ASCC3: variants seen among roughly 807,000 people sequenced by gnomAD.
ASCC3 encodes the protein ASC-1 complex subunit P200.
ASCC3 carries 158 observed loss-of-function variants against 256.3 expected under a neutral mutation model. That is an observed-to-expected ratio of 0.62 (90% confidence interval 0.54 to 0.70). The LOEUF (loss-of-function observed/expected upper bound fraction) is 0.70. Among genes scored for constraint, ASCC3 ranks in the 30% least tolerant of loss-of-function variants. The pLI, the probability that ASCC3 is intolerant of heterozygous loss-of-function variation, is 0.00. For synonymous variants in ASCC3, 948 were observed against 883.4 expected (o/e 1.07, Z -1.30); for missense variants, 2,259 against 2,626.0 (o/e 0.86, Z 3.05).
chr6:100,602,920 G>C (rs1169319511), intron 33 of ASCC3, among the ~76,000 whole-genome samples: 1 of 152,044 alleles, frequency 6.6e-6, no homozygotes, highest in Non-Finnish European at 1.5e-5. Context: ...GTTATAATAA[G>C]TTGAATTTTT....
intron 8 of ASCC3, among the ~76,000 whole-genome samples, chr6:100,795,897 A>T (rs1393595155): frequency 1.3e-5 from 2 of 152,182 alleles, no homozygotes; most frequent in Non-Finnish European, 2.9e-5. Flanking sequence ...AGAAACATCT[A>T]CTAAACTATC....
chr6:100,807,414 C>A (rs1232292790), intron 4 of ASCC3, among the ~76,000 whole-genome samples: 1 of 151,000 alleles, frequency 6.6e-6, no homozygotes, highest in Non-Finnish European at 1.5e-5. Flanking sequence ...ACCCTCCATA[C>A]TTCCGCAAAG....
At chr6:100,610,196 G>A (rs1773325387) in intron 30 of ASCC3, among the ~76,000 whole-genome samples, 1 of 152,164 alleles carries the variant, frequency 6.6e-6, no homozygotes, top group African/African-American at 2.4e-5. Context: ...ATAAAAAAGT[G>A]ACAATTTCTT....
Position 100,651,612 on chromosome 6 carries a change from T to A in ASCC3, c.3023A>T (p.Glu1008Val), listed in dbSNP as rs1353175671. 1 of 1,590,004 alleles carries A rather than the reference T, an allele frequency of 6.3e-7. No individual in the cohort carries two copies. The highest frequency in any genetic ancestry group is 8.6e-7 in the Non-Finnish European group (1 of 1,165,930). ...GGAGACTATGGCAAAGATATCACCT[T>A]CTGTTTTGTGAGCATCAAAGAGTTC... ...FNELFDAHKT[E>V]GDIFAIVSKA... The change falls in exon 19 of 42, where the codon GAA (glutamate) becomes GTA (valine). Residue 1008 changes from glutamate to valine, a missense_variant. Around this residue, in one of 2 missense-constraint regions of ASCC3, gnomAD observed 1,839 missense variants for 2,206.7 expected, o/e 0.83. Coordinates refer to ENST00000369162, the MANE Select transcript of ASCC3 (RefSeq NM_006828.4).
At chr6:100,635,551 T>C (rs1774801011) in intron 25 of ASCC3, among the ~76,000 whole-genome samples, 1 of 152,134 alleles carries the variant, frequency 6.6e-6, no homozygotes, top group South Asian at 2.1e-4. Context: ...CACTGCATTA[T>C]ATACTTGAAA....
At chr6:100,640,225 AAAAT>A (rs147889494) in intron 24 of ASCC3, among the ~76,000 whole-genome samples, 2,109 of 152,226 alleles carry the variant, frequency 0.014, 39 homozygotes, top group African/African-American at 0.048. Context: ...AAAAGACTAA[AAAAT>A]AAATAAATAA....
At chr6:100,653,226 C>T (rs753333340) in intron 17 of ASCC3, among the ~76,000 whole-genome samples, 15 of 152,090 alleles carry the variant, frequency 9.9e-5, no homozygotes, top group East Asian at 1.9e-4. Context: ...CTTCTTTCTC[C>T]CATACTAAAG....
intron 13 of ASCC3, among the ~76,000 whole-genome samples, chr6:100,696,169 C>T (rs1339812032): frequency 6.6e-6 from 1 of 152,078 alleles, no homozygotes; most frequent in African/African-American, 2.4e-5. Context: ...AAAAACAGAA[C>T]ATTATTTTAC....
At chr6:100,576,439 T>C (rs1770864841) in intron 36 of ASCC3, among the ~76,000 whole-genome samples, 1 of 152,046 alleles carries the variant, frequency 6.6e-6, no homozygotes, top group Non-Finnish European at 1.5e-5. Context: ...GTCAATGCTT[T>C]AAAATTTTTT....
At chr6:100,810,916 TA>T (rs1347565301) in intron 4 of ASCC3, among the ~76,000 whole-genome samples, 1 of 152,034 alleles carries the variant, frequency 6.6e-6, no homozygotes, top group Non-Finnish European at 1.5e-5. Context: ...TAAAAGCAAG[TA>T]AATAGTCTAG....
chr6:100,711,689 C>T (rs1221709020), intron 13 of ASCC3, among the ~76,000 whole-genome samples: 1 of 152,144 alleles, frequency 6.6e-6, no homozygotes, highest in Non-Finnish European at 1.5e-5. Flanking sequence ...GAGATTGTGC[C>T]ATTGCACTCC....
rs934892166 is a variant in ASCC3, at chr6:100,677,025, T to C, written c.2286+2593A>G. On this transcript the variant is annotated intron_variant, in intron 14 of 41. Coordinates refer to ENST00000369162, the MANE Select transcript of ASCC3 (RefSeq NM_006828.4). ...AATTTACCTTCTAATTAAATTTTAATGTTTTGGGTTCTTAATTTCCCATTT... is the reference window on the plus strand; with the variant it reads ...AATTTACCTTCTAATTAAATTTTAACGTTTTGGGTTCTTAATTTCCCATTT... 2.0e-5 allele frequency among the ~76,000 whole-genome samples: 3 copies of C among 152,262 alleles called. No homozygotes were observed. The South Asian group carries it at 6.2e-4, about 32-fold the overall frequency.
At chr6:100,864,242 G>C in intron 2 of ASCC3, 28 bp from the exon 3 acceptor site, 1 of 1,554,832 alleles carries the variant, frequency 6.4e-7, no homozygotes, top group Non-Finnish European at 8.8e-7. Context: ...ATGTAGAAAA[G>C]TACTGCTTAA....
chr6:100,877,111 A>G (rs1251795872), intron 1 of ASCC3, among the ~76,000 whole-genome samples: 1 of 152,200 alleles, frequency 6.6e-6, no homozygotes, highest in African/African-American at 2.4e-5. Context: ...CAACTTTAGG[A>G]AAAGATAGTT....
At chr6:100,784,495 A>G (rs974985130) in intron 8 of ASCC3, among the ~76,000 whole-genome samples, 2 of 152,254 alleles carry the variant, frequency 1.3e-5, no homozygotes, top group Admixed American at 6.5e-5. Context: ...CACAAGCTGA[A>G]TATCTACAAA....
At chr6:100,610,505 T>C (rs973425863) in intron 30 of ASCC3, among the ~76,000 whole-genome samples, 1 of 152,136 alleles carries the variant, frequency 6.6e-6, no homozygotes, top group Non-Finnish European at 1.5e-5. Context: ...GACAATAAAG[T>C]TTAGCTTTAT....
intron 36 of ASCC3, among the ~76,000 whole-genome samples, chr6:100,550,983 T>C (rs1388727334): frequency 2.0e-5 from 3 of 152,078 alleles, no homozygotes; most frequent in Non-Finnish European, 4.4e-5. Flanking sequence ...AATCTAAGTT[T>C]AATAAGTTTA....
intron 5 of ASCC3, among the ~76,000 whole-genome samples, chr6:100,804,778 AG>A (rs2114360620): frequency 6.6e-6 from 1 of 152,258 alleles, no homozygotes; most frequent in East Asian, 1.9e-4. Context: ...CGCAGAAAAC[AG>A]GGAACATTTA....
At chr6:100,532,941 G>C (rs1215382406) in intron 37 of ASCC3, among the ~76,000 whole-genome samples, 1 of 152,086 alleles carries the variant, frequency 6.6e-6, no homozygotes, top group Non-Finnish European at 1.5e-5. Context: ...ATATAAAGGA[G>C]AATTTCAATT....
Sources: gnomAD v4.1 joint callset for allele counts (sites outside exome capture counted in the v4.1 genomes callset) on GRCh38, gnomAD v4.1.1 for gene constraint, gnomAD v4.1.1 regional missense constraint, MANE v1.5 for transcripts, NCBI Gene and HGNC (gene_info 2026-07-23, HGNC 2026-07-21) for gene names.